GCFC2: variants seen among roughly 807,000 people sequenced by gnomAD.
GCFC2 encodes GC-rich sequence DNA-binding factor 2.
A neutral mutation model predicts 99.4 loss-of-function variants in GCFC2; 102 were observed. The ratio of observed to expected loss-of-function variants is 1.03; its 90% confidence interval spans 0.87 to 1.21. The LOEUF is 1.21. Among genes scored for constraint, GCFC2 ranks in the 50% most tolerant of loss-of-function variants. The pLI, the probability that GCFC2 is intolerant of heterozygous loss-of-function variation, is 0.00. For missense variants in GCFC2, 973 were observed against 920.9 expected (o/e 1.06, Z -0.73); for synonymous variants, 338 against 316.8 (o/e 1.07, Z -0.71).
Position 75,701,180 on chromosome 2 carries a change from A to C in GCFC2, c.717+10T>G, listed in dbSNP as rs1334514541. Reference sequence around the variant, plus strand: ...AGGAATCTAATACACATGGGATAAAAAATGATTACCTCTATGATTTTAACT... The same window carrying C: ...AGGAATCTAATACACATGGGATAAACAATGATTACCTCTATGATTTTAACT... On this transcript the variant is annotated intron_variant, in intron 4 of 16. Transcript: ENST00000321027. The C allele has an allele frequency of 6.9e-7, 1 of 1,446,556 alleles. No homozygotes were observed. The highest frequency in any genetic ancestry group is 2.3e-5 in the East Asian group (1 of 44,108). 89.6% of individuals were successfully genotyped at this position (1,446,556 alleles called of 1,614,324 possible). A position where few individuals can be genotyped will look rare whatever the true frequency, so the allele number is the denominator to read the frequency against.
At chr2:75,711,200 C>T (rs942444258), upstream of GCFC2, 11 of 985,210 alleles carry the variant, frequency 1.1e-5, no homozygotes, top group South Asian at 4.7e-5. Context: ...AGAAATCAAG[C>T]GTTATGCTTT....
chr2:75,701,269 G>C lies in GCFC2; in HGVS notation c.638C>G (p.Thr213Arg), dbSNP rs1308078804. ...TTCATCTTCCTGACTTTCTTCACTT[G>C]TTTCTTCATTTCTGCTTACTAGCGG... is the stretch of plus-strand genomic sequence containing the variant. ...AEESISRNEE[T>R]SEESQEDEKQ... Residue 213 changes from threonine to arginine, a missense_variant, in exon 4 of 17, where the codon ACA becomes AGA. Thr to Arg is a moderately conservative substitution (Grantham distance 71, BLOSUM62 -1). Transcript: ENST00000321027. The C allele has an allele frequency of 6.2e-7, 1 of 1,603,206 alleles. No individual in the cohort carries two copies. Among genetic ancestry groups the C allele is most frequent in the East Asian group, 2.2e-5 (1 of 44,812 alleles).
At chr2:75,711,407 A>G (rs545248657), upstream of GCFC2, among the ~76,000 whole-genome samples, 1 of 152,354 alleles carries the variant, frequency 6.6e-6, no homozygotes, top group African/African-American at 2.4e-5. Flanking sequence ...TCCCCCAGGC[A>G]GCAGGGCTTC....
At chr2:75,700,742 C>T (rs1294310639) in intron 4 of GCFC2, among the ~76,000 whole-genome samples, 1 of 152,066 alleles carries the variant, frequency 6.6e-6, no homozygotes. Context: ...GAATGGAGGC[C>T]TCCCAAAAGA....
intron 11 of GCFC2, among the ~76,000 whole-genome samples, chr2:75,682,834 G>T (rs1679639213): frequency 6.6e-6 from 1 of 151,868 alleles, no homozygotes; most frequent in Non-Finnish European, 1.5e-5. Context: ...TCAAGTGGAA[G>T]AAAGGATATC....
rs968981683 is a variant in GCFC2, at chr2:75,662,714, T to C, written c.*1952A>G. ...TAGCAGTTTAAGTCAATTTGTAGTT[T>C]TGAAAGCAGTTTTAATATTTTATCT... On this transcript the variant is annotated 3_prime_UTR_variant, in exon 17 of 17. Transcript: ENST00000321027. The C allele has an allele frequency of 6.6e-5, 10 of 152,132 alleles. No individual in the cohort carries two copies. The highest frequency in any genetic ancestry group is 3.3e-4 in the Admixed American group (5 of 15,276). The allele number at this position is 152,132 out of a possible 1,614,324, so 9.4% of individuals were successfully genotyped here.
At chr2:75,678,383 T>C (rs1186793700) in intron 12 of GCFC2, among the ~76,000 whole-genome samples, 1 of 152,216 alleles carries the variant, frequency 6.6e-6, no homozygotes, top group Non-Finnish European at 1.5e-5. Flanking sequence ...TCAAATTAAA[T>C]ATCTCTAATT....
At chr2:75,696,173 G>A (rs895592232) in intron 5 of GCFC2, 27 bp downstream of exon 5, 4 of 825,346 alleles carry the variant, frequency 4.8e-6, no homozygotes, top group Middle Eastern at 3.1e-4. Flanking sequence ...TAGGACAAAT[G>A]TAAATTTCAA....
chr2:75,705,740 C>T (rs1020877768), intron 2 of GCFC2, among the ~76,000 whole-genome samples: 3 of 150,902 alleles, frequency 2.0e-5, no homozygotes, highest in African/African-American at 7.3e-5. Flanking sequence ...ATGTATTTTA[C>T]TTTATTTTCT....
upstream of GCFC2, among the ~76,000 whole-genome samples, chr2:75,711,978 G>T (rs1411399807): frequency 1.3e-5 from 2 of 152,252 alleles, no homozygotes; most frequent in East Asian, 3.9e-4. Context: ...CGCCGGACTG[G>T]CAGGCAGCTC....
At position 75,694,247 on chromosome 2, in the gene GCFC2, A is replaced by G; in HGVS notation, c.1014T>C (p.Asn338=). Residue 338 remains asparagine, a synonymous_variant, in exon 6 of 17, where the codon AAT becomes AAC. Transcript: ENST00000321027. Reference sequence around the variant, plus strand: ...AATAAATATTGATATGTACCTTTTCATTAAGGCAGTCAATTAAATTTTCCA... The same window carrying G: ...AATAAATATTGATATGTACCTTTTCGTTAAGGCAGTCAATTAAATTTTCCA... ...IYVENLIDCL[N]EKIINIQEIE... The G allele has an allele frequency of 1.1e-6, 1 of 900,600 alleles. No individual in the cohort carries two copies. Among genetic ancestry groups the G allele is most frequent in the Non-Finnish European group, 1.8e-6 (1 of 569,814 alleles). The allele number at this position is 900,600 out of a possible 1,614,324, so 55.8% of individuals were successfully genotyped here. A position where few individuals can be genotyped will look rare whatever the true frequency, so the allele number is the denominator to read the frequency against.
At chr2:75,708,090 A>G (rs73939114) in intron 1 of GCFC2, among the ~76,000 whole-genome samples, 484 of 152,362 alleles carry the variant, frequency 3.2e-3, no homozygotes, top group African/African-American at 0.01. Flanking sequence ...GTTGTTTTTA[A>G]GAAGCATCAC....
At chr2:75,710,934 G>A (rs759708044), upstream of GCFC2, 4 of 1,375,490 alleles carry the variant, frequency 2.9e-6, no homozygotes, top group Non-Finnish European at 2.8e-6. Context: ...CCTAGGGCGC[G>A]CTCCCGCCGC....
intron 13 of GCFC2, 135 bp downstream of exon 13, chr2:75,673,309 A>C (rs548590370): frequency 1.6e-6 from 1 of 624,594 alleles, no homozygotes; most frequent in African/African-American, 1.9e-5. Context: ...CTCAGTCTCA[A>C]AAGAAAAAAA....
At chr2:75,666,824 C>T (rs2104182742) in intron 15 of GCFC2, among the ~76,000 whole-genome samples, 1 of 152,082 alleles carries the variant, frequency 6.6e-6, no homozygotes, top group East Asian at 1.9e-4. Flanking sequence ...GTATGGCTGC[C>T]TGCTCTTGAG....
intron 15 of GCFC2, among the ~76,000 whole-genome samples, chr2:75,667,524 A>G (rs540693376): frequency 6.6e-6 from 1 of 152,202 alleles, no homozygotes; most frequent in Admixed American, 6.5e-5. Context: ...TGTTTCAACT[A>G]TTCAGGAAAA....
At chr2:75,671,504 T>C (rs571121714) in intron 14 of GCFC2, among the ~76,000 whole-genome samples, 4 of 152,320 alleles carry the variant, frequency 2.6e-5, no homozygotes, top group Admixed American at 1.3e-4. Flanking sequence ...CTCCCAAACA[T>C]TGTTTGAACC....
intron 5 of GCFC2, 49 bp downstream of exon 5, chr2:75,696,151 G>C (rs1357393803): frequency 1.3e-6 from 1 of 746,328 alleles, no homozygotes; most frequent in Non-Finnish European, 2.4e-6. Context: ...TATATCTTTA[G>C]TATTAAATAT....
intron 3 of GCFC2, chr2:75,701,678 T>C (rs937403361): frequency 2.7e-5 from 5 of 184,966 alleles, no homozygotes; most frequent in Non-Finnish European, 5.3e-5. Context: ...CACTTAAAAA[T>C]AAATTGTAAG....
Sources: allele counts gnomAD v4.1 joint callset (sites outside exome capture counted in the v4.1 genomes callset), GRCh38; gene constraint gnomAD v4.1.1; transcripts MANE v1.5; gene names NCBI Gene and HGNC (gene_info 2026-07-23, HGNC 2026-07-21).